The following MAP1B variants were observed in gnomAD, a reference collection of about 807,000 sequenced individuals.
The protein encoded by MAP1B is microtubule-associated protein 1B.
Under a neutral mutation model 176.1 loss-of-function variants are expected in MAP1B, and 12 were observed. The observed-to-expected ratio is 0.07, with a 90% CI of 0.04 to 0.11. MAP1B has a LOEUF of 0.11. MAP1B is among the 10% of genes least tolerant of loss of function. The pLI, the probability that MAP1B is intolerant of heterozygous loss-of-function variation, is 1.00. For missense variants in MAP1B, 2,523 were observed against 2,990.5 expected (o/e 0.84, Z 3.65); for synonymous variants, 1,044 against 1,135.0 (o/e 0.92, Z 1.61).
rs756150532 is a variant in MAP1B, at chr5:72,115,750, C to T, written c.237C>T (p.Leu79=). 6.2e-7 allele frequency: 1 copy of T among 1,613,982 alleles called. No individual in the cohort carries two copies. The highest frequency in any genetic ancestry group is 8.5e-7 in the Non-Finnish European group (1 of 1,179,868). The change falls in exon 2 of 7, where the codon CTC becomes CTT. Residue 79 remains leucine, a synonymous_variant. Transcript: ENST00000296755. The part of the protein sequence containing the change: ...NLIECNLDQE[L]KLFVSRHSAR... The stretch of plus-strand genomic sequence containing the variant: ...TTGAATGCAACTTGGACCAAGAACT[C>T]AAACTTTTTGTATCTCGACACTCTG...
Position 72,206,053 on chromosome 5 carries a change from C to G in MAP1B, c.*814C>G, listed in dbSNP as rs746981659. 6 of 152,682 alleles carry G rather than the reference C, an allele frequency of 3.9e-5. No homozygotes were observed. The highest frequency in any genetic ancestry group is 8.8e-5 in the Non-Finnish European group (6 of 68,066). 9.5% of individuals were successfully genotyped at this position (152,682 alleles called of 1,614,324 possible). On this transcript the variant is annotated 3_prime_UTR_variant, in exon 7 of 7. Transcript: ENST00000296755. ...AGTAGATTGATCTAAGGCATGCTCC[C>G]AGCATTTGTCCACCCACTTAGTCCA...
At chr5:72,146,930 C>A (rs1738574142) in intron 2 of MAP1B, among the ~76,000 whole-genome samples, 1 of 150,808 alleles carries the variant, frequency 6.6e-6, no homozygotes. Flanking sequence ...TCATTCACGT[C>A]TGATGGAAAA....
chr5:72,110,951 T>A (rs963514194), intron 1 of MAP1B, among the ~76,000 whole-genome samples: 3 of 152,204 alleles, frequency 2.0e-5, no homozygotes, highest in Admixed American at 2.0e-4. Context: ...TCAACTATAT[T>A]CGGAAAGCAT....
rs559494786 is a variant in MAP1B, at chr5:72,195,998, G to A, written c.2643G>A (p.Glu881=). 3 of 1,614,232 alleles carry A rather than the reference G, an allele frequency of 1.9e-6. No individual in the cohort carries two copies. Among genetic ancestry groups the A allele is most frequent in the East Asian group, 2.2e-5 (1 of 44,884 alleles). The change falls in exon 5 of 7, where the codon GAG becomes GAA. Residue 881 remains glutamate, a synonymous_variant. Coordinates refer to ENST00000296755, the MANE Select transcript of MAP1B (RefSeq NM_005909.5). Reference sequence around the variant, plus strand: ...TCGAAGCCTACGTCATCCAGAAGGAGAGAGAAGTCACCAAAGGTCCTGCCG... The same window carrying A: ...TCGAAGCCTACGTCATCCAGAAGGAAAGAGAAGTCACCAAAGGTCCTGCCG... ...EPVEAYVIQK[E]REVTKGPAES...
chr5:72,177,319 T>A (rs1424133323), intron 2 of MAP1B, among the ~76,000 whole-genome samples: 3 of 151,522 alleles, frequency 2.0e-5, no homozygotes, highest in Non-Finnish European at 4.4e-5. Flanking sequence ...CTGGGTAAAC[T>A]ATGTTCACCT....
chr5:72,108,444 A>C (rs1279597032), intron 1 of MAP1B, among the ~76,000 whole-genome samples: 1 of 152,210 alleles, frequency 6.6e-6, no homozygotes, highest in Non-Finnish European at 1.5e-5. Flanking sequence ...TGCTTTTAGA[A>C]GTCCCAGCCT....
rs1391821606 is a variant in MAP1B, at chr5:72,198,032, G to A, written c.4677G>A (p.Thr1559=). The change falls in exon 5 of 7, where the codon ACG becomes ACA. Residue 1559 remains threonine (T), a synonymous_variant. Coordinates refer to ENST00000296755, the MANE Select transcript of MAP1B (RefSeq NM_005909.5). ...VASVSTASVA[T]SSFPEPTTDD... ...CAGTGTCCACAGCCTCAGTGGCTACGAGCTCATTTCCAGAGCCAACAACAG... is the reference window on the plus strand; with the variant it reads ...CAGTGTCCACAGCCTCAGTGGCTACAAGCTCATTTCCAGAGCCAACAACAG... 2 of 1,614,034 alleles carry A rather than the reference G, an allele frequency of 1.2e-6. No individual in the cohort carries two copies. Among genetic ancestry groups the A allele is most frequent in the Admixed American group, 1.7e-5 (1 of 60,006 alleles).
chr5:72,163,879 C>G (rs1746370681), intron 2 of MAP1B, among the ~76,000 whole-genome samples: 1 of 145,518 alleles, frequency 6.9e-6, no homozygotes, highest in South Asian at 2.2e-4. Flanking sequence ...GGCTATATGA[C>G]TTTTTTCTTT....
At chr5:72,112,923 G>A (rs183083159) in intron 1 of MAP1B, among the ~76,000 whole-genome samples, 171 of 152,276 alleles carry the variant, frequency 1.1e-3, no homozygotes, top group African/African-American at 4.1e-3. Context: ...GCTTCTGAAA[G>A]CCTCTTTAGA....
At chr5:72,172,322 C>T (rs1459881049) in intron 2 of MAP1B, among the ~76,000 whole-genome samples, 2 of 152,222 alleles carry the variant, frequency 1.3e-5, no homozygotes, top group Admixed American at 1.3e-4. Flanking sequence ...GAAAAATCAA[C>T]TCATACTATT....
In MAP1B at chr5:72,197,640, T is replaced by G; in HGVS notation, c.4285T>G (p.Phe1429Val). 6.2e-7 allele frequency: 1 copy of G among 1,614,168 alleles called. No homozygotes were observed. The highest frequency in any genetic ancestry group is 8.5e-7 in the Non-Finnish European group (1 of 1,180,032). The change falls in exon 5 of 7, where the codon TTT becomes GTT. Residue 1429 changes from phenylalanine (F) to valine (V), a missense_variant. Phe to Val is a conservative substitution (Grantham distance 50). Transcript: ENST00000296755. ...KASGRGAESP[F>V]EEKSGKQGSP... is the part of the protein sequence containing the mutation. ...TTCTGGCAGAGGTGCCGAAAGTCCT[T>G]TTGAAGAAAAGAGTGGAAAACAAGG...
chr5:72,143,349 C>A (rs73123340), intron 2 of MAP1B, among the ~76,000 whole-genome samples: 1,845 of 152,180 alleles, frequency 0.012, 34 homozygotes, highest in African/African-American at 0.042. Flanking sequence ...ACAGTGAGGC[C>A]TTGTTTAAGT....
intron 5 of MAP1B, 97 bp downstream of exon 5, chr5:72,200,464 T>C (rs1000725120): frequency 7.0e-7 from 1 of 1,436,190 alleles, no homozygotes; most frequent in South Asian, 1.4e-5. Flanking sequence ...ACTGGGAAGA[T>C]GAGGGAGCAC....
At chr5:72,176,510 A>C (rs1229869387) in intron 2 of MAP1B, among the ~76,000 whole-genome samples, 1 of 152,232 alleles carries the variant, frequency 6.6e-6, no homozygotes, top group Non-Finnish European at 1.5e-5. Flanking sequence ...ACTACTTCAT[A>C]AAAATGCTGT....
Position 72,195,570 on chromosome 5 carries a change from G to C in MAP1B, c.2215G>C (p.Ala739Pro), listed in dbSNP as rs148693668. The change falls in exon 5 of 7, where the codon GCA becomes CCA. Residue 739 changes from alanine (A) to proline (P), a missense_variant. Ala to Pro is a conservative substitution (Grantham distance 27). Around this residue, in one of 4 missense-constraint regions of MAP1B, gnomAD observed 1,925 missense variants for 2,126.0 expected, o/e 0.91. Transcript: ENST00000296755. Reference protein sequence around the residue: ...KKEIKKLPKDAKKSSTPLSEA... With the variant: ...KKEIKKLPKDPKKSSTPLSEA... ...AGAAATTAAGAAGCTCCCTAAAGAC[G>C]CAAAGAAATCATCTACTCCTCTGTC... 3.1e-6 allele frequency: 5 copies of C among 1,612,538 alleles called. No homozygotes were observed. In the South Asian group the frequency reaches 5.5e-5, roughly 18 times the overall value.
In MAP1B at chr5:72,204,741, G is replaced by A. The variant is rs1747408506; in HGVS notation, c.7252-343G>A. Reference sequence around the variant, plus strand: ...GCGATAAAATCCTTGGATTAAATATGCAATATCTTTTATGCAAAACTTACC... The same window carrying A: ...GCGATAAAATCCTTGGATTAAATATACAATATCTTTTATGCAAAACTTACC... On this transcript the variant is annotated intron_variant, in intron 6 of 6. Coordinates refer to ENST00000296755, the MANE Select transcript of MAP1B (RefSeq NM_005909.5). This position sits in a 1 kb window ranked among gnomAD's most constrained non-coding sequence, Gnocchi z 4.4. 6.6e-6 allele frequency among the ~76,000 whole-genome samples: 1 copy of A among 152,124 alleles called. No individual in the cohort carries two copies.
Position 72,198,851 on chromosome 5 carries a change from C to T in MAP1B, c.5496C>T (p.Phe1832=), listed in dbSNP as rs762291668. The change falls in exon 5 of 7, where the codon TTC becomes TTT. Residue 1832 remains phenylalanine, a synonymous_variant. Coordinates refer to ENST00000296755, the MANE Select transcript of MAP1B (RefSeq NM_005909.5). ...CAGCATCCGCAGAGCCCTATGGCTTCCGTGCCTCAGTGTTATTCGATACAA... is the reference window on the plus strand; with the variant it reads ...CAGCATCCGCAGAGCCCTATGGCTTTCGTGCCTCAGTGTTATTCGATACAA... ...IDAASAEPYG[F]RASVLFDTMQ... 1.9e-6 allele frequency: 3 copies of T among 1,614,218 alleles called. No homozygotes were observed. Among genetic ancestry groups the T allele is most frequent in the Middle Eastern group, 1.6e-4 (1 of 6,062 alleles).
At position 72,196,983 on chromosome 5, in the gene MAP1B, C is replaced by A; in HGVS notation, c.3628C>A (p.Pro1210Thr). ...YNASASTISP[P>T]SSMEEDKFSR... is the part of the protein sequence containing the mutation. The stretch of plus-strand genomic sequence containing the variant: ...TGCTTCAGCCTCTACCATATCACCA[C>A]CCTCTTCCATGGAGGAAGACAAATT... The change falls in exon 5 of 7, where the codon CCC becomes ACC. Residue 1210 changes from proline to threonine, a missense_variant. Physicochemically the swap from Pro to Thr is conservative, Grantham distance 38. This residue lies in a region of MAP1B where 1,925 missense variants were observed against 2,126.0 expected (regional missense o/e 0.91). Transcript: ENST00000296755. The surrounding 1 kb of genome is among the most constrained non-coding windows in gnomAD (Gnocchi z 5.3). The A allele has an allele frequency of 6.2e-7, 1 of 1,614,222 alleles. No individual in the cohort carries two copies. Among genetic ancestry groups the A allele is most frequent in the Non-Finnish European group, 8.5e-7 (1 of 1,180,034 alleles).
At position 72,196,908 on chromosome 5, in the gene MAP1B, G is replaced by A. The variant is rs371761339; in HGVS notation, c.3553G>A (p.Gly1185Arg). 3 of 1,614,166 alleles carry A rather than the reference G, an allele frequency of 1.9e-6. No individual in the cohort carries two copies. The highest frequency in any genetic ancestry group is 1.1e-5 in the South Asian group (1 of 91,084). The stretch of plus-strand genomic sequence containing the variant: ...ACCTGCTGATGTTACACCGCTCAAC[G>A]GATTTTCTGAAGGATCAAAAACAGA... Reference protein sequence around the residue: ...SKPADVTPLNGFSEGSKTDAT... With the variant: ...SKPADVTPLNRFSEGSKTDAT... Residue 1185 changes from glycine (G) to arginine (R), a missense_variant, in exon 5 of 7, where the codon GGA becomes AGA. Around this residue, in one of 4 missense-constraint regions of MAP1B, gnomAD observed 1,925 missense variants for 2,126.0 expected, o/e 0.91. Transcript: ENST00000296755. This position sits in a 1 kb window ranked among gnomAD's most constrained non-coding sequence, Gnocchi z 5.3.
Sources: gnomAD v4.1 joint callset for allele counts (sites outside exome capture counted in the v4.1 genomes callset) on GRCh38, gnomAD v4.1.1 for gene constraint, gnomAD v4.1.1 regional missense constraint, Gnocchi (gnomAD v3.1) non-coding constraint, MANE v1.5 for transcripts, NCBI Gene and HGNC (gene_info 2026-07-23, HGNC 2026-07-21) for gene names.